RMDN2: variants seen among roughly 807,000 people sequenced by gnomAD.
The protein encoded by RMDN2 is regulator of microtubule dynamics 2.
A neutral mutation model predicts 52.8 loss-of-function variants in RMDN2; 61 were observed. The observed-to-expected ratio is 1.16, with a 90% CI of 0.94 to 1.43. The LOEUF is 1.43. Among genes scored for constraint, RMDN2 ranks in the 40% most tolerant of loss-of-function variants. The pLI is 0.00. For synonymous variants in RMDN2, 180 were observed against 153.1 expected (o/e 1.18, Z -1.30); for missense variants, 592 against 475.3 (o/e 1.25, Z -2.28).
chr2:37,998,113 C>T (rs559816392), intron 8 of RMDN2: 2 of 152,222 alleles, frequency 1.3e-5, no homozygotes, highest in South Asian at 2.1e-4. Flanking sequence ...AATATAGCCA[C>T]CCATATAATC....
At chr2:37,980,221 T>G (rs1673118972) in intron 4 of RMDN2, among the ~76,000 whole-genome samples, 3 of 152,204 alleles carry the variant, frequency 2.0e-5, no homozygotes, top group African/African-American at 7.2e-5. Flanking sequence ...TTGAGAAAGA[T>G]TCTCAGAACA....
At chr2:37,925,944 G>T (rs535998048) in intron 1 of RMDN2, among the ~76,000 whole-genome samples, 1 of 152,290 alleles carries the variant, frequency 6.6e-6, no homozygotes, top group South Asian at 2.1e-4. Flanking sequence ...ACACTTGGGA[G>T]CCCTAAATTT....
chr2:38,017,108 G>T (rs974998223), intron 10 of RMDN2, 78 bp from the exon 11 acceptor site: 2 of 864,326 alleles, frequency 2.3e-6, no homozygotes, highest in Non-Finnish European at 3.4e-6. Flanking sequence ...CCTCAAGTCA[G>T]TGTAAGTCTG....
intron 10 of RMDN2, among the ~76,000 whole-genome samples, chr2:38,028,756 A>G (rs946616126): frequency 3.9e-5 from 6 of 152,132 alleles, no homozygotes; most frequent in African/African-American, 1.4e-4. Context: ...GGGTCCCAGT[A>G]AGAGCCTTAG....
intron 8 of RMDN2, among the ~76,000 whole-genome samples, chr2:38,003,510 G>A (rs774868086): frequency 2.6e-5 from 4 of 151,736 alleles, no homozygotes; most frequent in South Asian, 2.1e-4. Context: ...CTGAGATCGC[G>A]CCACTGCACT....
chr2:38,037,380 C>T (rs574281237), intron 10 of RMDN2, among the ~76,000 whole-genome samples: 4 of 152,214 alleles, frequency 2.6e-5, no homozygotes, highest in Non-Finnish European at 5.9e-5. Context: ...ACAAAAGCTG[C>T]CCACATAGAA....
chr2:37,952,135 A>G (rs747305708), intron 2 of RMDN2: 22 of 1,613,038 alleles, frequency 1.4e-5, no homozygotes, highest in African/African-American at 1.3e-5. Context: ...CTGTTTGAAG[A>G]TGAAGACTTT....
chr2:37,924,653 C>G (rs576383469), upstream of RMDN2, among the ~76,000 whole-genome samples: 2 of 152,244 alleles, frequency 1.3e-5, no homozygotes. Flanking sequence ...AGGCGTGACC[C>G]ACCGCGCCCG....
intron 5 of RMDN2, 111 bp from the exon 6 acceptor site, chr2:37,989,430 T>G: frequency 1.4e-6 from 1 of 708,810 alleles, no homozygotes; most frequent in East Asian, 2.5e-5. Flanking sequence ...TGAATACTCC[T>G]GTTAAATATG....
intron 1 of RMDN2, among the ~76,000 whole-genome samples, chr2:37,925,897 G>A (rs377152889): frequency 7.0e-6 from 1 of 142,694 alleles, no homozygotes; most frequent in East Asian, 1.9e-4. Context: ...AACGAAGGCC[G>A]GATTATCAGT....
At chr2:38,059,419 T>C (rs1681956901) in intron 10 of RMDN2, among the ~76,000 whole-genome samples, 1 of 152,186 alleles carries the variant, frequency 6.6e-6, no homozygotes, top group Admixed American at 6.5e-5. Context: ...GCAAGATGAT[T>C]GGATATTCCA....
chr2:37,981,942 T>C lies in RMDN2; in HGVS notation c.791+599T>C, dbSNP rs557773450. ...ATAAGGAATATATTGTTTTAAATTA[T>C]TATTCTTCCTTTTTCTTGTAGTTGC... On this transcript the variant is annotated intron_variant, in intron 5 of 10. Coordinates refer to ENST00000354545, the MANE Select transcript of RMDN2 (RefSeq NM_001170791.3). Among the ~76,000 whole-genome samples the C allele has an allele frequency of 5.3e-5, 8 of 152,254 alleles. No individual in the cohort carries two copies. The South Asian group carries it at 1.7e-3, about 32-fold the overall frequency.
intron 10 of RMDN2, chr2:38,030,769 C>T (rs1041511310): frequency 5.3e-5 from 8 of 152,188 alleles, no homozygotes; most frequent in Admixed American, 1.3e-4. Flanking sequence ...GAAGGTCACA[C>T]ACTTTGTTTC....
At chr2:38,055,715 G>T (rs1040730789) in intron 10 of RMDN2, among the ~76,000 whole-genome samples, 1 of 152,138 alleles carries the variant, frequency 6.6e-6, no homozygotes, top group Non-Finnish European at 1.5e-5. Flanking sequence ...ACTTGTGTGT[G>T]TGTCTTTTAA....
At chr2:38,053,030 C>T (rs1681691193) in intron 10 of RMDN2, among the ~76,000 whole-genome samples, 1 of 152,156 alleles carries the variant, frequency 6.6e-6, no homozygotes, top group African/African-American at 2.4e-5. Flanking sequence ...TGTTATAGTT[C>T]AAGGTAGCAG....
At chr2:38,061,340 C>T (rs1361244480) in intron 10 of RMDN2, among the ~76,000 whole-genome samples, 2 of 152,220 alleles carry the variant, frequency 1.3e-5, no homozygotes, top group South Asian at 2.1e-4. Flanking sequence ...CCAGTGCCAT[C>T]GGCCAAGCCA....
chr2:37,927,655 G>A (rs76725684), intron 1 of RMDN2, among the ~76,000 whole-genome samples: 3 of 152,150 alleles, frequency 2.0e-5, no homozygotes, highest in South Asian at 2.1e-4. Flanking sequence ...CTATATCAGC[G>A]AATGGACATC....
At chr2:37,967,280 G>A (rs781356663) in intron 2 of RMDN2, among the ~76,000 whole-genome samples, 1 of 152,120 alleles carries the variant, frequency 6.6e-6, no homozygotes, top group Non-Finnish European at 1.5e-5. Context: ...CCATTGAATG[G>A]GTGCTAAAAC....
chr2:38,019,095 C>G (rs753737294), downstream of RMDN2, among the ~76,000 whole-genome samples: 2 of 152,208 alleles, frequency 1.3e-5, no homozygotes, highest in Non-Finnish European at 2.9e-5. Context: ...TGCAGGTTCT[C>G]TCGTGGATAT....
Sources: allele counts gnomAD v4.1 joint callset (sites outside exome capture counted in the v4.1 genomes callset), GRCh38; gene constraint gnomAD v4.1.1; transcripts MANE v1.5; gene names NCBI Gene and HGNC (gene_info 2026-07-23, HGNC 2026-07-21).